The following LRP1B variants were observed in gnomAD, a reference collection of about 807,000 sequenced individuals.
LRP1B encodes LDL receptor related protein 1B.
A neutral mutation model predicts 556.6 loss-of-function variants in LRP1B; 217 were observed. That is an observed-to-expected ratio of 0.39 (90% CI 0.35 to 0.44). The LOEUF is 0.44. LRP1B is among the 20% of genes least tolerant of loss of function. The pLI, the probability that LRP1B is intolerant of heterozygous loss-of-function variation, is 1.00. For missense variants in LRP1B, 5,053 were observed against 5,620.8 expected (o/e 0.90, Z 3.23); for synonymous variants, 2,047 against 1,865.8 (o/e 1.10, Z -2.50).
chr2:140,431,618 G>A (rs1685947849), intron 66 of LRP1B, among the ~76,000 whole-genome samples: 1 of 152,134 alleles, frequency 6.6e-6, no homozygotes. Context: ...GCGGGACTAT[G>A]CTGAATCTCC....
In LRP1B at chr2:140,442,516, C is replaced by T. The variant is rs2105301109; in HGVS notation, c.10402G>A (p.Glu3468Lys). 1.2e-6 allele frequency: 2 copies of T among 1,613,050 alleles called. No homozygotes were observed. The highest frequency in any genetic ancestry group is 2.2e-5 in the East Asian group (1 of 44,774). The change falls in exon 66 of 91, where the codon GAG becomes AAG. Residue 3468 changes from glutamate (E) to lysine (K), a missense_variant. Coordinates refer to ENST00000389484, the MANE Select transcript of LRP1B (RefSeq NM_018557.3). ...CACAGACACTCACCGCAGTTGGCCT[C>T]GTCTGATGCATCTGCACAGTCTGGA... ...EDPDCADASDEANCDKKTCGP... is the reference protein window; with the variant it reads ...EDPDCADASDKANCDKKTCGP...
chr2:141,678,537 G>C (rs1233797654), intron 2 of LRP1B, among the ~76,000 whole-genome samples: 2 of 152,226 alleles, frequency 1.3e-5, no homozygotes, highest in East Asian at 3.9e-4. Flanking sequence ...GACCTAACAG[G>C]AGTGGTTTTG....
At chr2:142,128,728 CACG>C (rs1329202049) in intron 1 of LRP1B, among the ~76,000 whole-genome samples, 2 of 152,142 alleles carry the variant, frequency 1.3e-5, no homozygotes, top group Admixed American at 6.5e-5. Flanking sequence ...GGTGATACAA[CACG>C]ACACTATTTC....
chr2:141,158,996 C>G (rs1453409944), intron 7 of LRP1B, among the ~76,000 whole-genome samples: 1 of 152,068 alleles, frequency 6.6e-6, no homozygotes, highest in Admixed American at 6.6e-5. Flanking sequence ...TAGAAGTATA[C>G]AACTATTCTA....
intron 6 of LRP1B, among the ~76,000 whole-genome samples, chr2:141,226,358 G>A (rs1683249343): frequency 6.6e-6 from 1 of 152,072 alleles, no homozygotes; most frequent in South Asian, 2.1e-4. Context: ...TCTCCTGCTT[G>A]CTACCCAGAG....
chr2:141,863,830 G>C (rs1454504187), intron 1 of LRP1B, among the ~76,000 whole-genome samples: 1 of 151,864 alleles, frequency 6.6e-6, no homozygotes, highest in Admixed American at 6.6e-5. Flanking sequence ...TATATTAAAA[G>C]TTCCAATAAT....
intron 11 of LRP1B, among the ~76,000 whole-genome samples, chr2:141,039,575 C>T (rs1698636792): frequency 6.6e-6 from 1 of 152,012 alleles, no homozygotes; most frequent in Non-Finnish European, 1.5e-5. Context: ...AATCTAACAT[C>T]TATAATAGAC....
intron 66 of LRP1B, among the ~76,000 whole-genome samples, chr2:140,430,120 T>C (rs972504491): frequency 6.6e-6 from 1 of 152,144 alleles, no homozygotes; most frequent in African/African-American, 2.4e-5. Context: ...ACTTGGTTTA[T>C]TGATGGCAGT....
In LRP1B at chr2:140,812,988, C is replaced by A. The variant is rs556068605; in HGVS notation, c.5359+669G>T. On this transcript the variant is annotated intron_variant, in intron 32 of 90. Coordinates refer to ENST00000389484, the MANE Select transcript of LRP1B (RefSeq NM_018557.3). ...CACTCTTAACATCTTTTGAAAAATT[C>A]AAACTATCTTTTTAAACTGAAACTT... 6.8e-4 allele frequency among the ~76,000 whole-genome samples: 104 copies of A among 152,164 alleles called. 1 individual carries two copies. The highest frequency in any genetic ancestry group is 1.3e-3 in the Non-Finnish European group (88 of 67,986).
chr2:140,856,692 A>T (rs1692626500), intron 27 of LRP1B, among the ~76,000 whole-genome samples: 1 of 150,062 alleles, frequency 6.7e-6, no homozygotes, highest in Non-Finnish European at 1.5e-5. Context: ...GTACTTTGTC[A>T]CTCTCTGAGC....
At chr2:140,887,835 C>A (rs1693683999) in intron 23 of LRP1B, among the ~76,000 whole-genome samples, 1 of 152,014 alleles carries the variant, frequency 6.6e-6, no homozygotes, top group African/African-American at 2.4e-5. Flanking sequence ...ATGAAATGTC[C>A]AGAATAGGCA....
intron 27 of LRP1B, among the ~76,000 whole-genome samples, chr2:140,853,199 G>C (rs961701225): frequency 6.6e-6 from 1 of 152,046 alleles, no homozygotes; most frequent in African/African-American, 2.4e-5. Context: ...AAACTCTCAT[G>C]TAGAGGTGCC....
intron 82 of LRP1B, among the ~76,000 whole-genome samples, chr2:140,315,592 T>G (rs1024630325): frequency 1.3e-5 from 2 of 152,116 alleles, no homozygotes; most frequent in Admixed American, 6.6e-5. Flanking sequence ...TTAAATTTTT[T>G]GTAGAGACAG....
chr2:140,400,468 C>T (rs1306446799), intron 66 of LRP1B, among the ~76,000 whole-genome samples: 1 of 152,166 alleles, frequency 6.6e-6, no homozygotes, highest in Non-Finnish European at 1.5e-5. Context: ...CCCCACTCCC[C>T]TATTAGTGGT....
intron 2 of LRP1B, among the ~76,000 whole-genome samples, chr2:141,726,731 C>A (rs1693052038): frequency 6.6e-6 from 1 of 151,910 alleles, no homozygotes; most frequent in Non-Finnish European, 1.5e-5. Context: ...ATTATTTCCC[C>A]CAGTGGAATA....
intron 63 of LRP1B, among the ~76,000 whole-genome samples, chr2:140,447,018 T>G (rs1037312732): frequency 6.6e-6 from 1 of 152,086 alleles, no homozygotes; most frequent in Admixed American, 6.6e-5. Context: ...GAATAGGCAT[T>G]TCTTTAAAAC....
chr2:141,224,394 T>C (rs567427654), intron 6 of LRP1B, among the ~76,000 whole-genome samples: 2 of 152,264 alleles, frequency 1.3e-5, no homozygotes, highest in East Asian at 3.9e-4. Context: ...GAAATGTAAA[T>C]TAGTTCAACC....
chr2:141,567,708 T>C (rs1686381945), intron 2 of LRP1B, among the ~76,000 whole-genome samples: 1 of 151,630 alleles, frequency 6.6e-6, no homozygotes, highest in Non-Finnish European at 1.5e-5. Context: ...GAAATCTGCT[T>C]ATGAACTCTT....
At chr2:141,350,251 G>A (rs1309633760) in intron 3 of LRP1B, among the ~76,000 whole-genome samples, 6 of 151,898 alleles carry the variant, frequency 4.0e-5, no homozygotes, top group Non-Finnish European at 5.9e-5. Context: ...AGTTGTTTTG[G>A]AATATGAAAA....
Sources: allele counts gnomAD v4.1 joint callset (sites outside exome capture counted in the v4.1 genomes callset), GRCh38; gene constraint gnomAD v4.1.1; transcripts MANE v1.5; gene names NCBI Gene and HGNC (gene_info 2026-07-23, HGNC 2026-07-21).